The following CSE1L variants were observed in gnomAD, a reference collection of about 807,000 sequenced individuals.
The protein encoded by CSE1L is exportin-2.
A neutral mutation model predicts 120.4 loss-of-function variants in CSE1L; 24 were observed. The ratio of observed to expected loss-of-function variants is 0.20; its 90% CI spans 0.14 to 0.28. The LOEUF (loss-of-function observed/expected upper bound fraction) is 0.28, where lower values mean the gene tolerates loss of function less well. Ranked by LOEUF, CSE1L falls within the 10% of genes least tolerant of loss-of-function variation. The pLI is 1.00. For missense variants in CSE1L, 830 were observed against 1,145.2 expected (o/e 0.72, Z 3.97); for synonymous variants, 402 against 398.3 (o/e 1.01, Z -0.11).
chr20:49,084,988 C>G (rs2092043548), intron 15 of CSE1L, among the ~76,000 whole-genome samples: 1 of 152,132 alleles, frequency 6.6e-6, no homozygotes, highest in Non-Finnish European at 1.5e-5. Flanking sequence ...CCCTGAGATT[C>G]TGAGTTCTTT....
intron 6 of CSE1L, among the ~76,000 whole-genome samples, chr20:49,067,742 T>G (rs2091903925): frequency 6.6e-6 from 1 of 151,760 alleles, no homozygotes; most frequent in South Asian, 2.1e-4. Context: ...TTTTCTTTTT[T>G]CTTTTTTAAA....
chr20:49,076,302 C>G (rs1008762028), intron 12 of CSE1L, among the ~76,000 whole-genome samples: 10 of 152,230 alleles, frequency 6.6e-5, no homozygotes, highest in South Asian at 6.2e-4. Flanking sequence ...ATTCTCCTGC[C>G]TCAGCCTCCC....
chr20:49,056,684 T>G (rs2091809850), intron 1 of CSE1L, among the ~76,000 whole-genome samples: 1 of 95,882 alleles, frequency 1.0e-5, no homozygotes, highest in Non-Finnish European at 2.2e-5. Flanking sequence ...GTATGTGCTG[T>G]TTCTGTGTGT....
At chr20:49,052,899 G>T (rs761386429) in intron 1 of CSE1L, among the ~76,000 whole-genome samples, 1 of 152,190 alleles carries the variant, frequency 6.6e-6, no homozygotes, top group Non-Finnish European at 1.5e-5. Flanking sequence ...GAGTTTGGGT[G>T]TTTAAGACAA....
rs767823449 is a variant in CSE1L, at chr20:49,096,441, T to G, written c.*3T>G. On this transcript the variant is annotated 3_prime_UTR_variant, in exon 25 of 25. Coordinates refer to ENST00000262982, the MANE Select transcript of CSE1L (RefSeq NM_001316.4). ...CAGCCAGTGTGACACTGCTTTAAAC[T>G]GCATTTTTCTAATGGGCTAAACCCA... 6.2e-7 allele frequency: 1 copy of G among 1,609,892 alleles called. No homozygotes were observed. The highest frequency in any genetic ancestry group is 1.1e-5 in the South Asian group (1 of 91,030).
At position 49,084,103 on chromosome 20, in the gene CSE1L, T is replaced by C. The variant is rs1482555129; in HGVS notation, c.1560T>C (p.Thr520=). 6.2e-7 allele frequency: 1 copy of C among 1,614,126 alleles called. No homozygotes were observed. Among genetic ancestry groups the C allele is most frequent in the Admixed American group, 1.7e-5 (1 of 60,006 alleles). The stretch of plus-strand genomic sequence containing the variant: ...AAGCTGAAAGTATTGTTGTTCATAC[T>C]TACGCAGCTCATGCTCTTGAACGGC... ...HLQAESIVVH[T]YAAHALERLF... is the part of the protein sequence containing the mutation. The change falls in exon 15 of 25, where the codon ACT becomes ACC. Residue 520 remains threonine, a synonymous_variant. Coordinates refer to ENST00000262982, the MANE Select transcript of CSE1L (RefSeq NM_001316.4).
At chr20:49,052,640 G>GGTTA (rs2091776398) in intron 1 of CSE1L, among the ~76,000 whole-genome samples, 1 of 152,040 alleles carries the variant, frequency 6.6e-6, no homozygotes. Context: ...GGTGGTGGTT[G>GGTTA]TTTTGGAGAT....
At chr20:49,067,310 A>C (rs2091900474) in intron 6 of CSE1L, 30 bp downstream of exon 6, 1 of 1,397,788 alleles carries the variant, frequency 7.2e-7, no homozygotes, top group African/African-American at 1.4e-5. Context: ...GATATTTTTA[A>C]ATTAATATTT....
At chr20:49,083,950 T>C in intron 14 of CSE1L, 76 bp from the exon 15 acceptor site, 1 of 1,423,522 alleles carries the variant, frequency 7.0e-7, no homozygotes, top group Middle Eastern at 2.4e-4. Context: ...AATCAACAGG[T>C]CCTTCTCTTC....
rs377402001 is a variant in CSE1L, at chr20:49,058,440, T to C, written c.-11-13T>C. ...TAAGTGACCAGTTATCCAAACCTTA[T>C]TTTATATTTTAGATCCTATAGCAAT... On this transcript the variant is annotated splice_polypyrimidine_tract_variant and intron_variant, in intron 1 of 24. Transcript: ENST00000262982. 1.9e-6 allele frequency: 3 copies of C among 1,563,468 alleles called. No homozygotes were observed. The African/African-American group carries it at 4.1e-5, about 21-fold the overall frequency.
At chr20:49,089,156 T>A (rs1384091539) in intron 17 of CSE1L, 91 bp from the exon 18 acceptor site, 3 of 1,146,916 alleles carry the variant, frequency 2.6e-6, no homozygotes, top group Non-Finnish European at 3.5e-6. Flanking sequence ...TTTTGATTTT[T>A]AAAAAATAAG....
intron 14 of CSE1L, among the ~76,000 whole-genome samples, chr20:49,081,044 T>G (rs1005345323): frequency 2.7e-5 from 4 of 150,162 alleles, no homozygotes; most frequent in African/African-American, 9.8e-5. Context: ...AGTACAGTGG[T>G]GTGATCTCGG....
chr20:49,051,497 C>A (rs891488572), intron 1 of CSE1L, among the ~76,000 whole-genome samples: 2 of 152,170 alleles, frequency 1.3e-5, no homozygotes, highest in Non-Finnish European at 2.9e-5. Flanking sequence ...GAGCTGAGAT[C>A]ACGCCACTGC....
At chr20:49,067,928 C>CTTTTTTTTTTTTTT (rs10567768) in intron 6 of CSE1L, among the ~76,000 whole-genome samples, 2 of 78,496 alleles carry the variant, frequency 2.5e-5, no homozygotes, top group Non-Finnish European at 4.5e-5. Flanking sequence ...TTCCCTCTCT[C>CTTTTTTTTTTTTTT]TTTTTTTTTT....
rs1429593912 is a variant in CSE1L, at chr20:49,066,170, TCAGTTA to T, written c.229-20_229-15del. ...TGAATGTGGATTTTGTGTTACTTCC[TCAGTTA>T]CTGCTTTGCTTTTAGGTTGAAGATG... On this transcript the variant is annotated splice_polypyrimidine_tract_variant and intron_variant, in intron 3 of 24. Coordinates refer to ENST00000262982, the MANE Select transcript of CSE1L (RefSeq NM_001316.4). 1 of 1,597,894 alleles carries T rather than the reference TCAGTTA, an allele frequency of 6.3e-7. No homozygotes were observed. The highest frequency in any genetic ancestry group is 2.2e-5 in the East Asian group (1 of 44,772).
At chr20:49,064,431 C>T (rs988576544) in intron 3 of CSE1L, among the ~76,000 whole-genome samples, 1 of 152,094 alleles carries the variant, frequency 6.6e-6, no homozygotes. Context: ...TCTTAGAGGC[C>T]GGGCTTGGTG....
At chr20:49,052,869 C>T (rs966745214) in intron 1 of CSE1L, among the ~76,000 whole-genome samples, 6 of 152,176 alleles carry the variant, frequency 3.9e-5, no homozygotes, top group African/African-American at 1.4e-4. Context: ...TAACAGGCGG[C>T]AGCCACTGCA....
intron 1 of CSE1L, among the ~76,000 whole-genome samples, chr20:49,047,559 C>CTTTTTTT (rs1568757225): frequency 1.6e-5 from 1 of 61,088 alleles, no homozygotes; most frequent in Non-Finnish European, 3.4e-5. Flanking sequence ...TTTCTTTTCT[C>CTTTTTTT]TTTTCTTTTT....
In CSE1L at chr20:49,063,220, C is replaced by G; in HGVS notation, c.104C>G (p.Ser35Cys). Residue 35 changes from serine (S) to cysteine (C), a missense_variant, in exon 3 of 25, where the codon TCT becomes TGT. Ser to Cys is a moderately radical substitution (Grantham distance 112). Around this residue, in one of 4 missense-constraint regions of CSE1L, gnomAD observed 543 missense variants for 640.2 expected, o/e 0.85. Coordinates refer to ENST00000262982, the MANE Select transcript of CSE1L (RefSeq NM_001316.4). ...IRRPAEKFLE[S>C]VEGNQNYPLL... ...TTTACAGCTGAGAAATTTCTTGAAT[C>G]TGTTGAAGGAAATCAGAATTATCCA... 3.8e-6 allele frequency: 6 copies of G among 1,576,886 alleles called. No individual in the cohort carries two copies. The highest frequency in any genetic ancestry group is 4.3e-6 in the Non-Finnish European group (5 of 1,168,132).
Sources: allele counts gnomAD v4.1 joint callset (sites outside exome capture counted in the v4.1 genomes callset), GRCh38; gene constraint gnomAD v4.1.1; regional missense constraint gnomAD v4.1.1; transcripts MANE v1.5; gene names NCBI Gene and HGNC (gene_info 2026-07-23, HGNC 2026-07-21).